Variants in KDF1 observed in about 807,000 individuals in gnomAD.
KDF1 encodes the protein RP11-344H11.3.
KDF1 carries 11 observed loss-of-function variants against 31.6 expected under a neutral mutation model. The ratio of observed to expected loss-of-function variants is 0.35; its 90% CI spans 0.22 to 0.58. KDF1 has a LOEUF of 0.58. Among genes scored for constraint, KDF1 ranks in the 20% least tolerant of loss-of-function variants. KDF1 has a pLI of 0.83. For synonymous variants in KDF1, 205 were observed against 214.4 expected (o/e 0.96, Z 0.38); for missense variants, 476 against 549.1 (o/e 0.87, Z 1.33).
rs768999890 is a variant in KDF1 at position 26,951,980 on chromosome 1, A to C, written c.401T>G (p.Val134Gly). The C allele has an allele frequency of 1.9e-6, 3 of 1,609,316 alleles. No individual in the cohort carries two copies. Among genetic ancestry groups the C allele is most frequent in the Non-Finnish European group, 2.5e-6 (3 of 1,176,690 alleles). The change falls in exon 2 of 4, where the codon GTG (valine) becomes GGG (glycine). Residue 134 changes from valine (V) to glycine (G), a missense_variant. Val to Gly is a moderately radical substitution (Grantham distance 109, BLOSUM62 -3). Coordinates refer to ENST00000320567, the MANE Select transcript of KDF1 (RefSeq NM_152365.3). This position sits in a 1 kb window ranked among gnomAD's most constrained non-coding sequence, Gnocchi z 5.4. ...GGGTGCACGATCAGGGCTGGGGGGC[A>C]CTCCATTGTGCTCCTTGGCCCAGTT... ...EANWAKEHNG[V>G]PPSPDRAPPS...
intron 1 of KDF1, among the ~76,000 whole-genome samples, chr1:26,953,765 G>A (rs557455603): frequency 6.6e-6 from 1 of 152,134 alleles, no homozygotes; most frequent in East Asian, 1.9e-4. Flanking sequence ...GACCAGCCTG[G>A]CCAACATGGT....
At chr1:26,955,309 G>A (rs530219949) in intron 1 of KDF1, among the ~76,000 whole-genome samples, 1 of 152,276 alleles carries the variant, frequency 6.6e-6, no homozygotes, top group East Asian at 1.9e-4. Context: ...CATAAGACTT[G>A]CTATGGAACC....
chr1:26,954,940 C>T (rs1218260550), intron 1 of KDF1, among the ~76,000 whole-genome samples: 9 of 150,612 alleles, frequency 6.0e-5, no homozygotes, highest in Non-Finnish European at 1.0e-4. Context: ...CTCACTGCAA[C>T]CTCTGCCTCC....
intron 1 of KDF1, among the ~76,000 whole-genome samples, chr1:26,959,727 C>T (rs1412399877): frequency 6.6e-6 from 1 of 152,106 alleles, no homozygotes; most frequent in African/African-American, 2.4e-5. Context: ...TCCGAGGGTC[C>T]CCAGGACAGG....
chr1:26,953,554 A>G (rs2082362243), intron 1 of KDF1, among the ~76,000 whole-genome samples: 1 of 152,258 alleles, frequency 6.6e-6, no homozygotes, highest in Non-Finnish European at 1.5e-5. Flanking sequence ...TGGTATATAC[A>G]TACAATGGAA....
Position 26,950,095 on chromosome 1 carries a change from C to A in KDF1, c.1171G>T (p.Ala391Ser), listed in dbSNP as rs139710191. ...TAGCAGTACACCTGGAGCAAGGGTG[C>A]CCCCGACGAGTCTGTGTCGGTGCCC... ...FQGTDTDSSG[A>S]PLLQVYC Residue 391 changes from alanine to serine, a missense_variant, in exon 4 of 4, where the codon GCA becomes TCA. Transcript: ENST00000320567. The surrounding 1 kb of genome is among the most constrained non-coding windows in gnomAD (Gnocchi z 4.0). The A allele has an allele frequency of 1.2e-6, 2 of 1,613,564 alleles. No individual in the cohort carries two copies. The highest frequency in any genetic ancestry group is 2.7e-5 in the African/African-American group (2 of 74,874).
chr1:26,958,432 C>T (rs562122251), intron 1 of KDF1, among the ~76,000 whole-genome samples: 1 of 152,242 alleles, frequency 6.6e-6, no homozygotes, highest in African/African-American at 2.4e-5. Context: ...CGCGCCCGGC[C>T]TAGCTGTTCT....
chr1:26,958,828 T>G (rs1231550744), intron 1 of KDF1, among the ~76,000 whole-genome samples: 1 of 152,184 alleles, frequency 6.6e-6, no homozygotes, highest in Non-Finnish European at 1.5e-5. Context: ...AGTGGACAGA[T>G]CTACAGTTAA....
chr1:26,949,876 G>A lies in KDF1; in HGVS notation c.*193C>T, dbSNP rs1470375636. 3 of 552,344 alleles carry A rather than the reference G, an allele frequency of 5.4e-6. No individual in the cohort carries two copies. 34.2% of individuals were successfully genotyped at this position (552,344 alleles called of 1,614,324 possible). On this transcript the variant is annotated 3_prime_UTR_variant, in exon 4 of 4. Coordinates refer to ENST00000320567, the MANE Select transcript of KDF1 (RefSeq NM_152365.3). ...CCTGGCAGGGATCAGACCAGCTGGG[G>A]ATGCAAGGAGATGTAGATCCCATGG...
In KDF1 at chr1:26,950,227, C is replaced by G. The variant is rs927365429; in HGVS notation, c.1115-76G>C. On this transcript the variant is annotated intron_variant, in intron 3 of 3. Transcript: ENST00000320567. This position sits in a 1 kb window ranked among gnomAD's most constrained non-coding sequence, Gnocchi z 4.0. ...TCCAGATCCCATGACCAGGGAGAAGCCTGCTGAGAAGGAGCAGAGTGGGAC... is the reference window on the plus strand; with the variant it reads ...TCCAGATCCCATGACCAGGGAGAAGGCTGCTGAGAAGGAGCAGAGTGGGAC... 3.5e-5 allele frequency: 49 copies of G among 1,388,568 alleles called. No homozygotes were observed. Among genetic ancestry groups the G allele is most frequent in the Non-Finnish European group, 4.8e-5 (47 of 978,126 alleles). 86.0% of individuals were successfully genotyped at this position (1,388,568 alleles called of 1,614,324 possible).
chr1:26,959,550 C>T (rs1295739047), intron 1 of KDF1, among the ~76,000 whole-genome samples: 5 of 152,110 alleles, frequency 3.3e-5, no homozygotes, highest in Non-Finnish European at 5.9e-5. Context: ...GTGGCCTTGC[C>T]CATGGGAGGG....
intron 1 of KDF1, among the ~76,000 whole-genome samples, chr1:26,956,892 G>C (rs574769773): frequency 1.3e-5 from 2 of 152,182 alleles, no homozygotes; most frequent in East Asian, 1.9e-4. Context: ...GTTGCCCATG[G>C]TAAATGGGGA....
chr1:26,950,652 T>G lies in KDF1; in HGVS notation c.1114+30A>C. 7 of 951,134 alleles carry G rather than the reference T, an allele frequency of 7.4e-6. No homozygotes were observed. Among genetic ancestry groups the G allele is most frequent in the African/African-American group, 1.7e-5 (1 of 60,196 alleles). The allele number at this position is 951,134 out of a possible 1,614,324, so 58.9% of individuals were successfully genotyped here. ...GGGCCCCTAGGGTAGTCCCCCACCCTCCACACCCCTCATTAGGTCAAGACC... is the reference window on the plus strand; with the variant it reads ...GGGCCCCTAGGGTAGTCCCCCACCCGCCACACCCCTCATTAGGTCAAGACC... On this transcript the variant is annotated intron_variant, in intron 3 of 3. Transcript: ENST00000320567. The surrounding 1 kb of genome is among the most constrained non-coding windows in gnomAD (Gnocchi z 4.0).
rs1361176121 is a variant in KDF1, at chr1:26,950,151, C to T, written c.1115G>A (p.Gly372Glu). ...GGATGAGTCATGGCTTGCTGGGTACCCTGGTAGGAAGGAGAGGAGAGGAGG... is the reference window on the plus strand; with the variant it reads ...GGATGAGTCATGGCTTGCTGGGTACTCTGGTAGGAAGGAGAGGAGAGGAGG... ...ARKLRPYGAP[G>E]YPASHDSSFQ... is the part of the protein sequence containing the mutation. The change falls in exon 4 of 4, where the codon GGG becomes GAG. Residue 372 changes from glycine to glutamate, a missense_variant and splice_region_variant. By Grantham distance (98) the Gly-to-Glu change is moderately conservative (BLOSUM62 -2). Transcript: ENST00000320567. This position sits in a 1 kb window ranked among gnomAD's most constrained non-coding sequence, Gnocchi z 4.0. The T allele has an allele frequency of 6.2e-7, 1 of 1,613,140 alleles. No individual in the cohort carries two copies. Among genetic ancestry groups the T allele is most frequent in the Non-Finnish European group, 8.5e-7 (1 of 1,179,436 alleles).
In KDF1 at chr1:26,957,648, G is replaced by A. The variant is rs376845681; in HGVS notation, c.-33+2702C>T. On this transcript the variant is annotated intron_variant, in intron 1 of 3. Coordinates refer to ENST00000320567, the MANE Select transcript of KDF1 (RefSeq NM_152365.3). ...GAGAGAGTGAAATCCCATCTGCAAC[G>A]GTATCCCAAATAAAATTCTAACAGG... 1.2e-4 allele frequency among the ~76,000 whole-genome samples: 19 copies of A among 152,132 alleles called. No individual in the cohort carries two copies. In the East Asian group the frequency reaches 3.5e-3, roughly 28 times the overall value.
chr1:26,954,080 G>GA (rs2082365707), intron 1 of KDF1, among the ~76,000 whole-genome samples: 2 of 152,122 alleles, frequency 1.3e-5, no homozygotes, highest in Admixed American at 1.3e-4. Context: ...GGGGACTGGG[G>GA]AGTTAGTGTT....
At position 26,951,415 on chromosome 1, in the gene KDF1, C is replaced by T. The variant is rs757746751; in HGVS notation, c.966G>A (p.Arg322=). 1 of 1,611,566 alleles carries T rather than the reference C, an allele frequency of 6.2e-7. No homozygotes were observed. Among genetic ancestry groups the T allele is most frequent in the Non-Finnish European group, 8.5e-7 (1 of 1,178,680 alleles). ...RPQTSEGRST[R]AAAPTAAAPD... ...GGGCAGCAGCGGTTGGGGCAGCAGC[C>T]CGAGTTGAACGACCCTCCGAGGTCT... The change falls in exon 2 of 4, where the codon CGG becomes CGA. Residue 322 remains arginine, a synonymous_variant. Coordinates refer to ENST00000320567, the MANE Select transcript of KDF1 (RefSeq NM_152365.3). The surrounding 1 kb of genome is among the most constrained non-coding windows in gnomAD (Gnocchi z 5.4).
chr1:26,960,104 G>T lies in KDF1; in HGVS notation c.-33+246C>A, dbSNP rs2082394462. 6.6e-6 allele frequency among the ~76,000 whole-genome samples: 1 copy of T among 152,140 alleles called. No individual in the cohort carries two copies. The highest frequency in any genetic ancestry group is 1.5e-5 in the Non-Finnish European group (1 of 68,006). ...TCCCATCCCGACGCTGCCCCCCGGT[G>T]AGTGCGGCCCCCGCACCCAGCCAGT... On this transcript the variant is annotated intron_variant, in intron 1 of 3. Coordinates refer to ENST00000320567, the MANE Select transcript of KDF1 (RefSeq NM_152365.3). The surrounding 1 kb of genome is among the most constrained non-coding windows in gnomAD (Gnocchi z 4.9).
Position 26,951,291 on chromosome 1 carries a change from G to A in KDF1, c.1039+51C>T, listed in dbSNP as rs1005612849. 9 of 1,456,154 alleles carry A rather than the reference G, an allele frequency of 6.2e-6. No homozygotes were observed. The highest frequency in any genetic ancestry group is 2.5e-5 in the East Asian group (1 of 40,200). 90.2% of individuals were successfully genotyped at this position (1,456,154 alleles called of 1,614,324 possible). ...AAAGACCCCATTCCAACCCTCCCCT[G>A]GCCAGAGCCTCCCCTACTCTGCCCC... On this transcript the variant is annotated intron_variant, in intron 2 of 3. Coordinates refer to ENST00000320567, the MANE Select transcript of KDF1 (RefSeq NM_152365.3). The surrounding 1 kb of genome is among the most constrained non-coding windows in gnomAD (Gnocchi z 5.4).
Sources: gnomAD v4.1 joint callset for allele counts (sites outside exome capture counted in the v4.1 genomes callset) on GRCh38, gnomAD v4.1.1 for gene constraint, Gnocchi (gnomAD v3.1) non-coding constraint, MANE v1.5 for transcripts, NCBI Gene and HGNC (gene_info 2026-07-23, HGNC 2026-07-21) for gene names.